LRMDA: variants seen among roughly 807,000 people sequenced by gnomAD.
LRMDA encodes leucine-rich melanocyte differentiation-associated protein.
Under a neutral mutation model 29.8 loss-of-function variants are expected in LRMDA, and 18 were observed. The ratio of observed to expected loss-of-function variants is 0.60; its 90% CI spans 0.42 to 0.90. The LOEUF is 0.90. Ranked by LOEUF, LRMDA falls within the 40% of genes least tolerant of loss-of-function variation. The pLI is 0.00. For synonymous variants in LRMDA, 125 were observed against 109.4 expected (o/e 1.14, Z -0.89); for missense variants, 273 against 273.9 (o/e 1.00, Z 0.02).
chr10:76,113,002 A>T (rs1170830464), intron 5 of LRMDA, among the ~76,000 whole-genome samples: 1 of 152,240 alleles, frequency 6.6e-6, no homozygotes, highest in Non-Finnish European at 1.5e-5. Flanking sequence ...GGTACCAAGA[A>T]GTTTCCAAAC....
intron 5 of LRMDA, among the ~76,000 whole-genome samples, chr10:76,062,770 T>G (rs987916154): frequency 1.3e-5 from 2 of 151,422 alleles, no homozygotes; most frequent in African/African-American, 4.9e-5. Flanking sequence ...ATATATAACT[T>G]TATCAAATAT....
chr10:75,759,617 C>A (rs2132226545), intron 2 of LRMDA, among the ~76,000 whole-genome samples: 1 of 152,234 alleles, frequency 6.6e-6, no homozygotes, highest in East Asian at 1.9e-4. Context: ...TGAAATAGAT[C>A]ATGAACATAG....
intron 6 of LRMDA, among the ~76,000 whole-genome samples, chr10:76,333,126 G>A (rs981157280): frequency 3.9e-5 from 6 of 152,100 alleles, no homozygotes; most frequent in Admixed American, 3.3e-4. Context: ...AAGATAAATG[G>A]GTAAAGATAA....
chr10:75,843,285 C>T (rs570160002), intron 2 of LRMDA, among the ~76,000 whole-genome samples: 9 of 152,310 alleles, frequency 5.9e-5, no homozygotes, highest in Non-Finnish European at 1.2e-4. Flanking sequence ...TCAATGCATA[C>T]GGTTTCCTGA....
At chr10:75,628,743 A>G (rs945772354) in intron 2 of LRMDA, among the ~76,000 whole-genome samples, 1 of 152,142 alleles carries the variant, frequency 6.6e-6, no homozygotes, top group Non-Finnish European at 1.5e-5. Context: ...AGCCGGCACC[A>G]CCAGACCTCC....
chr10:75,836,432 T>C (rs1844438439), intron 2 of LRMDA, among the ~76,000 whole-genome samples: 1 of 152,234 alleles, frequency 6.6e-6, no homozygotes, highest in Admixed American at 6.5e-5. Context: ...TTTTTCAGCT[T>C]GTCCTCTGGG....
intron 5 of LRMDA, among the ~76,000 whole-genome samples, chr10:76,296,654 A>G (rs1251686328): frequency 6.6e-6 from 1 of 152,252 alleles, no homozygotes; most frequent in Non-Finnish European, 1.5e-5. Flanking sequence ...AAAACAGTAT[A>G]TTGGACCAAG....
chr10:75,497,626 A>G lies in LRMDA; in HGVS notation c.131+59132A>G, dbSNP rs1387430806. 2.7e-5 allele frequency among the ~76,000 whole-genome samples: 4 copies of G among 150,798 alleles called. No individual in the cohort carries two copies. The South Asian group carries it at 6.3e-4, about 24-fold the overall frequency. On this transcript the variant is annotated intron_variant, in intron 2 of 6. Coordinates refer to ENST00000611255, the MANE Select transcript of LRMDA (RefSeq NM_001305581.2). ...AGCTAATTCCTGCTCCCTCCCCTCC[A>G]TAGGCAATTGCTCTTTTTTTTTTTC... is the stretch of plus-strand genomic sequence containing the variant.
chr10:76,471,818 A>G (rs1027100433), intron 6 of LRMDA, among the ~76,000 whole-genome samples: 2 of 151,798 alleles, frequency 1.3e-5, no homozygotes, highest in African/African-American at 2.4e-5. Context: ...AAAAGTTACT[A>G]GAGTAAAAGA....
chr10:75,462,559 A>T lies in LRMDA; in HGVS notation c.131+24065A>T, dbSNP rs1250926847. Among the ~76,000 whole-genome samples the T allele has an allele frequency of 2.6e-5, 4 of 152,336 alleles. No individual in the cohort carries two copies. The East Asian group carries it at 7.7e-4, about 29-fold the overall frequency. ...GAAAAACTATCTGGAGGAAGTCCTT[A>T]AATTACTCAGAGAGGGGATCCGGGA... On this transcript the variant is annotated intron_variant, in intron 2 of 6. Transcript: ENST00000611255.
chr10:76,175,712 C>T (rs941938951), intron 5 of LRMDA, among the ~76,000 whole-genome samples: 4 of 152,188 alleles, frequency 2.6e-5, no homozygotes, highest in African/African-American at 9.6e-5. Flanking sequence ...ATTGCTGCAC[C>T]TGGGAAGAGT....
chr10:75,785,354 G>GA (rs72515520), intron 2 of LRMDA, among the ~76,000 whole-genome samples: 5 of 55,438 alleles, frequency 9.0e-5, no homozygotes, highest in Non-Finnish European at 1.2e-4. Flanking sequence ...CGGGTGTGGA[G>GA]GAGCAAAGCT....
chr10:75,495,108 A>G (rs1241360253), intron 2 of LRMDA, among the ~76,000 whole-genome samples: 2 of 152,230 alleles, frequency 1.3e-5, no homozygotes, highest in African/African-American at 2.4e-5. Flanking sequence ...CCTGGGTGGC[A>G]ATGTGCCCTG....
At chr10:76,103,243 A>G (rs1265703884) in intron 5 of LRMDA, among the ~76,000 whole-genome samples, 4 of 152,242 alleles carry the variant, frequency 2.6e-5, no homozygotes, top group African/African-American at 4.8e-5. Context: ...TAGCAATTTC[A>G]TAACCTTCTT....
chr10:76,483,410 G>A (rs930992823), intron 6 of LRMDA, among the ~76,000 whole-genome samples: 15 of 151,888 alleles, frequency 9.9e-5, no homozygotes, highest in African/African-American at 3.6e-4. Context: ...CCCCATAGGG[G>A]ATTTCACCCA....
intron 2 of LRMDA, among the ~76,000 whole-genome samples, chr10:76,035,317 TAATAAA>T (rs964486684): frequency 1.3e-5 from 2 of 151,586 alleles, no homozygotes; most frequent in Non-Finnish European, 2.9e-5. Flanking sequence ...TAAAAAGAAA[TAATAAA>T]AGAAAAAGCC....
At chr10:76,532,402 CATTT>C (rs552519720) in intron 6 of LRMDA, among the ~76,000 whole-genome samples, 3 of 152,180 alleles carry the variant, frequency 2.0e-5, no homozygotes, top group Non-Finnish European at 4.4e-5. Context: ...TTCCTTTATA[CATTT>C]ATTTATTCAT....
At chr10:76,083,552 G>C (rs543418846) in intron 5 of LRMDA, among the ~76,000 whole-genome samples, 1 of 152,182 alleles carries the variant, frequency 6.6e-6, no homozygotes, top group Non-Finnish European at 1.5e-5. Context: ...TTCATGGCTT[G>C]GCACAGTGGC....
intron 2 of LRMDA, among the ~76,000 whole-genome samples, chr10:75,545,992 G>A (rs186242020): frequency 5.5e-4 from 84 of 152,254 alleles, no homozygotes; most frequent in Admixed American, 4.6e-3. Context: ...ATCTTGAGCC[G>A]GGAACCAAAT....
Sources: allele counts gnomAD v4.1 joint callset (sites outside exome capture counted in the v4.1 genomes callset), GRCh38; gene constraint gnomAD v4.1.1; transcripts MANE v1.5; gene names NCBI Gene and HGNC (gene_info 2026-07-23, HGNC 2026-07-21).